Variants in RNF125 observed in about 807,000 individuals in gnomAD.
RNF125 encodes the protein ring finger protein 125, also known as E3 ubiquitin-protein ligase RNF125.
Under a neutral mutation model 26.0 loss-of-function variants are expected in RNF125, and 21 were observed. That is an observed-to-expected ratio of 0.81 (90% confidence interval 0.57 to 1.16). The LOEUF is 1.16. RNF125 is among the 50% of genes most tolerant of loss of function. The probability of loss-of-function intolerance (pLI) is 0.00; values close to 1 mark genes in which losing one functional copy is unlikely to be tolerated. For synonymous variants in RNF125, 95 were observed against 109.2 expected (o/e 0.87, Z 0.81); for missense variants, 270 against 299.4 (o/e 0.90, Z 0.72).
chr18:32,042,283 A>C lies in RNF125; in HGVS notation c.413+10A>C. 1.3e-6 allele frequency: 2 copies of C among 1,537,832 alleles called. No homozygotes were observed. Among genetic ancestry groups the C allele is most frequent in the Non-Finnish European group, 1.8e-6 (2 of 1,113,860 alleles). On this transcript the variant is annotated intron_variant, in intron 3 of 5. Transcript: ENST00000217740. The stretch of plus-strand genomic sequence containing the variant: ...AGGAGACAGCAGCAAGGTTTGTTTC[A>C]ATACAATATAGTTTAATGCTAAAAT...
intron 4 of RNF125, among the ~76,000 whole-genome samples, chr18:32,048,133 C>T (rs1246937925): frequency 1.3e-5 from 2 of 150,672 alleles, no homozygotes; most frequent in East Asian, 2.0e-4. Context: ...TGTCTCAGGC[C>T]GGGTGCAGTG....
the RNF125 span, among the ~76,000 whole-genome samples, chr18:32,084,741 A>G: frequency 2.7e-4 from 41 of 152,344 alleles, no homozygotes; most frequent in East Asian, 6.2e-3. Context: ...AATCAACTGT[A>G]ACATAGAGGC....
At chr18:32,037,013 G>A (rs1042620036) in intron 1 of RNF125, 103 bp from the exon 2 acceptor site, 1 of 1,020,632 alleles carries the variant, frequency 9.8e-7, no homozygotes, top group Middle Eastern at 2.1e-4. Context: ...TGGCTCATGG[G>A]GTACGAGGTG....
chr18:32,078,990 C>G, the RNF125 span, among the ~76,000 whole-genome samples: 1 of 152,202 alleles, frequency 6.6e-6, no homozygotes, highest in Non-Finnish European at 1.5e-5. Flanking sequence ...GACCATACAT[C>G]TATTGCTACA....
intron 1 of RNF125, among the ~76,000 whole-genome samples, chr18:32,024,208 T>C (rs1488856378): frequency 2.5e-5 from 1 of 40,426 alleles, no homozygotes; most frequent in Non-Finnish European, 5.5e-5. Context: ...TTTTTTTTTT[T>C]CTTTTTTTTT....
chr18:32,043,992 G>T lies in RNF125; in HGVS notation c.414-1650G>T, dbSNP rs140542382. On this transcript the variant is annotated intron_variant, in intron 3 of 5. Transcript: ENST00000217740. ...GTGTTGTCCAGTAGAAATATAATGG[G>T]TTTTTTTTTTTCTTTTCTTTTCTTT... Among the ~76,000 whole-genome samples, 305 of 147,542 alleles carry T rather than the reference G, an allele frequency of 2.1e-3. 2 individuals carry two copies. The highest frequency in any genetic ancestry group is 5.8e-3 in the African/African-American group (233 of 40,488).
chr18:32,050,235 A>T (rs551159118), intron 4 of RNF125, among the ~76,000 whole-genome samples: 1 of 152,352 alleles, frequency 6.6e-6, no homozygotes, highest in East Asian at 1.9e-4. Flanking sequence ...TGTTAAAAAC[A>T]TCAGGGGATT....
At chr18:32,052,506 A>G (rs987919504) in intron 4 of RNF125, among the ~76,000 whole-genome samples, 8 of 152,034 alleles carry the variant, frequency 5.3e-5, no homozygotes, top group Non-Finnish European at 7.4e-5. Context: ...AAAAAAAAAA[A>G]AAAATTAGGT....
chr18:32,078,041 C>T (rs1296493309), downstream of RNF125, among the ~76,000 whole-genome samples: 14 of 152,286 alleles, frequency 9.2e-5, no homozygotes, highest in East Asian at 2.5e-3. Context: ...CCTCCCACCT[C>T]AGCCTCCCAA....
rs1225545402 is a variant in RNF125, at chr18:32,069,037, C to T, written c.*653C>T. On this transcript the variant is annotated 3_prime_UTR_variant, in exon 6 of 6. Coordinates refer to ENST00000217740, the MANE Select transcript of RNF125 (RefSeq NM_017831.4). ...TGGTCTCTGTGAAACTCCGTCTCTA[C>T]TAAAAATACAAAAATTAGCTGGACG... 1 of 151,960 alleles carries T rather than the reference C, an allele frequency of 6.6e-6. No homozygotes were observed. 9.4% of individuals were successfully genotyped at this position (151,960 alleles called of 1,614,324 possible).
chr18:32,045,086 C>T lies in RNF125; in HGVS notation c.414-556C>T, dbSNP rs141731423. On this transcript the variant is annotated intron_variant, in intron 3 of 5. Transcript: ENST00000217740. Reference sequence around the variant, plus strand: ...TGAGCCAAGATTGCACCACTGCACTCCAGCCTGGGTAACAGAGCGAGACTC... The same window carrying T: ...TGAGCCAAGATTGCACCACTGCACTTCAGCCTGGGTAACAGAGCGAGACTC... 3.1e-3 allele frequency among the ~76,000 whole-genome samples: 462 copies of T among 150,930 alleles called. 2 individuals are homozygous for T. The highest frequency in any genetic ancestry group is 0.01 in the African/African-American group (415 of 41,080).
At chr18:32,023,473 C>T (rs1300549429) in intron 1 of RNF125, among the ~76,000 whole-genome samples, 2 of 152,028 alleles carry the variant, frequency 1.3e-5, no homozygotes, top group East Asian at 1.9e-4. Flanking sequence ...CAATTCTTTA[C>T]ATACCGCAAG....
intron 4 of RNF125, among the ~76,000 whole-genome samples, chr18:32,051,366 C>T (rs1426673116): frequency 1.3e-5 from 2 of 151,850 alleles, no homozygotes; most frequent in African/African-American, 2.4e-5. Context: ...TGTGTAATCC[C>T]AGCACTTTGG....
chr18:32,078,452 AAATAAT>A, the RNF125 span, among the ~76,000 whole-genome samples: 5 of 152,226 alleles, frequency 3.3e-5, no homozygotes, highest in East Asian at 1.9e-4. Context: ...TATAGCTTAA[AAATAAT>A]AATAATAAAG....
the RNF125 span, among the ~76,000 whole-genome samples, chr18:32,081,212 G>A: frequency 2.8e-5 from 4 of 144,682 alleles, no homozygotes; most frequent in Non-Finnish European, 4.5e-5. Flanking sequence ...AAAAAAAAAG[G>A]TCAGAATGGT....
chr18:32,019,038 G>C lies in RNF125; in HGVS notation c.164+11G>C, dbSNP rs752356329. ...CCGCTGTGGCCACGTGTAAGTTCCAGGGGAGCTCGGTTTGCGCCCACCCCT... is the reference window on the plus strand; with the variant it reads ...CCGCTGTGGCCACGTGTAAGTTCCACGGGAGCTCGGTTTGCGCCCACCCCT... On this transcript the variant is annotated intron_variant, in intron 1 of 5. Transcript: ENST00000217740. The C allele has an allele frequency of 6.2e-7, 1 of 1,611,236 alleles. No individual in the cohort carries two copies. Among genetic ancestry groups the C allele is most frequent in the Non-Finnish European group, 8.5e-7 (1 of 1,178,820 alleles).
chr18:32,037,820 A>G (rs545792179), intron 2 of RNF125, among the ~76,000 whole-genome samples: 1 of 152,262 alleles, frequency 6.6e-6, no homozygotes, highest in South Asian at 2.1e-4. Flanking sequence ...TGTAAAACGC[A>G]CCAATCAGCA....
chr18:32,025,810 G>T (rs1036165240), intron 1 of RNF125, among the ~76,000 whole-genome samples: 2 of 151,932 alleles, frequency 1.3e-5, no homozygotes, highest in African/African-American at 4.8e-5. Flanking sequence ...TCTTCATGTG[G>T]TATCAAAAAT....
chr18:32,044,154 G>T (rs545643792), intron 3 of RNF125, among the ~76,000 whole-genome samples: 2 of 152,144 alleles, frequency 1.3e-5, no homozygotes, highest in East Asian at 3.9e-4. Flanking sequence ...TTACAGGCGT[G>T]TGCCACCATG....
Sources: allele counts gnomAD v4.1 joint callset (sites outside exome capture counted in the v4.1 genomes callset), GRCh38; gene constraint gnomAD v4.1.1; transcripts MANE v1.5; gene names NCBI Gene and HGNC (gene_info 2026-07-23, HGNC 2026-07-21).